The following PAX7 variants were observed in gnomAD, a reference collection of about 807,000 sequenced individuals.
The protein encoded by PAX7 is paired box protein Pax-7.
PAX7 carries 18 observed loss-of-function variants against 50.7 expected under a neutral mutation model. The observed-to-expected ratio is 0.36, with a 90% CI of 0.25 to 0.53. The LOEUF (loss-of-function observed/expected upper bound fraction) is 0.53, where lower values mean the gene tolerates loss of function less well. PAX7 is among the 20% of genes least tolerant of loss of function. PAX7 has a pLI of 0.93. For synonymous variants in PAX7, 310 were observed against 290.4 expected (o/e 1.07, Z -0.69); for missense variants, 644 against 702.9 (o/e 0.92, Z 0.95).
intron 4 of PAX7, among the ~76,000 whole-genome samples, chr1:18,643,287 G>A (rs1314371031): frequency 6.6e-6 from 1 of 152,144 alleles, no homozygotes; most frequent in Non-Finnish European, 1.5e-5. Context: ...GAGGGTCAGC[G>A]AACGGACCTT....
At chr1:18,646,309 C>T (rs2088337650) in intron 4 of PAX7, among the ~76,000 whole-genome samples, 1 of 152,232 alleles carries the variant, frequency 6.6e-6, no homozygotes, top group South Asian at 2.1e-4. Flanking sequence ...CCTGGTGGCC[C>T]ATACAGGGGA....
intron 4 of PAX7, among the ~76,000 whole-genome samples, chr1:18,652,919 C>T (rs1480797772): frequency 6.6e-6 from 1 of 152,200 alleles, no homozygotes; most frequent in Non-Finnish European, 1.5e-5. Flanking sequence ...TCTGTTTTCC[C>T]AGTTTTGTAG....
intron 4 of PAX7, among the ~76,000 whole-genome samples, chr1:18,662,236 G>A (rs1235624885): frequency 6.6e-6 from 1 of 152,172 alleles, no homozygotes; most frequent in Non-Finnish European, 1.5e-5. Flanking sequence ...ATGTGACCCG[G>A]CCTTGGCCAA....
chr1:18,667,450 G>GGAAGGAAGGAGC (rs1352059845), intron 4 of PAX7, among the ~76,000 whole-genome samples: 37 of 147,218 alleles, frequency 2.5e-4, no homozygotes, highest in African/African-American at 9.0e-4. Context: ...AAGGAAGGAA[G>GGAAGGAAGGAGC]GAGCTTTGGT....
chr1:18,747,818 CT>C lies in PAX7; in HGVS notation c.*2890del, dbSNP rs1349285438. On this transcript the variant is annotated 3_prime_UTR_variant, in exon 9 of 9. Transcript: ENST00000420770. The stretch of plus-strand genomic sequence containing the variant: ...GACTTTTTATAAATATATATATATA[CT>C]AAAAAAGGAAAGAAATCCCCCACAG... 1.1e-5 allele frequency: 2 copies of C among 189,266 alleles called. No homozygotes were observed. The highest frequency in any genetic ancestry group is 2.2e-5 in the Non-Finnish European group (2 of 90,040). 11.7% of individuals were successfully genotyped at this position (189,266 alleles called of 1,614,324 possible).
At position 18,632,624 on chromosome 1, in the gene PAX7, T is replaced by G. The variant is rs2088072545; in HGVS notation, c.85+936T>G. Among the ~76,000 whole-genome samples, 1 of 150,184 alleles carries G rather than the reference T, an allele frequency of 6.7e-6. No individual in the cohort carries two copies. The highest frequency in any genetic ancestry group is 2.5e-5 in the African/African-American group (1 of 40,568). ...GGTAGCCTAGGGTGTCACAGAGAAG[T>G]CATTAGAAATATGTGCGACTTTTTT... On this transcript the variant is annotated intron_variant, in intron 1 of 8. Coordinates refer to ENST00000420770, the MANE Select transcript of PAX7 (RefSeq NM_001135254.2). This position sits in a 1 kb window ranked among gnomAD's most constrained non-coding sequence, Gnocchi z 6.3.
In PAX7 at chr1:18,679,099, C is replaced by T. The variant is rs546484674; in HGVS notation, c.587-12655C>T. On this transcript the variant is annotated intron_variant, in intron 4 of 8. Coordinates refer to ENST00000420770, the MANE Select transcript of PAX7 (RefSeq NM_001135254.2). Reference sequence around the variant, plus strand: ...CAAAGCACACCAGCAGCGGTTTGAACGCTTCTTCTCTGTGGCCTTCACACC... The same window carrying T: ...CAAAGCACACCAGCAGCGGTTTGAATGCTTCTTCTCTGTGGCCTTCACACC... 9.2e-5 allele frequency among the ~76,000 whole-genome samples: 14 copies of T among 152,316 alleles called. No individual in the cohort carries two copies. The South Asian group carries it at 2.3e-3, about 25-fold the overall frequency.
chr1:18,642,537 C>T (rs2088271910), intron 4 of PAX7, among the ~76,000 whole-genome samples: 1 of 152,184 alleles, frequency 6.6e-6, no homozygotes, highest in Non-Finnish European at 1.5e-5. Context: ...CCTCCCATTG[C>T]AGACTAAAGG....
At chr1:18,655,232 C>A (rs752236676) in intron 4 of PAX7, among the ~76,000 whole-genome samples, 1 of 152,180 alleles carries the variant, frequency 6.6e-6, no homozygotes, top group Non-Finnish European at 1.5e-5. Flanking sequence ...CCAGTTTCCA[C>A]GGTCAGAAAC....
At chr1:18,701,363 T>A (rs1225504850) in intron 6 of PAX7, among the ~76,000 whole-genome samples, 1 of 151,962 alleles carries the variant, frequency 6.6e-6, no homozygotes, top group African/African-American at 2.4e-5. Context: ...AGTGTGTGCG[T>A]ATGAGTGAGT....
At chr1:18,681,722 T>G (rs922529634) in intron 4 of PAX7, among the ~76,000 whole-genome samples, 6 of 143,648 alleles carry the variant, frequency 4.2e-5, no homozygotes, top group African/African-American at 1.6e-4. Context: ...TTTATTTTAT[T>G]TTATTTTATT....
intron 4 of PAX7, among the ~76,000 whole-genome samples, chr1:18,649,810 A>G (rs1465624124): frequency 2.0e-5 from 3 of 152,224 alleles, no homozygotes; most frequent in African/African-American, 7.2e-5. Flanking sequence ...CCTCATGTAA[A>G]TGGCCCCATG....
intron 4 of PAX7, among the ~76,000 whole-genome samples, chr1:18,676,556 C>A (rs2088824684): frequency 6.6e-6 from 1 of 151,984 alleles, no homozygotes; most frequent in African/African-American, 2.4e-5. Context: ...AAGTCTTCCC[C>A]ACCCCCTTCT....
At chr1:18,685,685 G>A (rs572622729) in intron 4 of PAX7, among the ~76,000 whole-genome samples, 1 of 152,342 alleles carries the variant, frequency 6.6e-6, no homozygotes, top group East Asian at 1.9e-4. Flanking sequence ...GCCATGAGTG[G>A]CTGGACAGGG....
chr1:18,721,980 T>A (rs1282818346), intron 7 of PAX7, among the ~76,000 whole-genome samples: 1 of 152,218 alleles, frequency 6.6e-6, no homozygotes, highest in African/African-American at 2.4e-5. Context: ...AGCTGTGTGA[T>A]CTTGGGCAAG....
At chr1:18,717,094 G>T (rs895947757) in intron 7 of PAX7, among the ~76,000 whole-genome samples, 19 of 152,096 alleles carry the variant, frequency 1.2e-4, no homozygotes, top group African/African-American at 4.6e-4. Context: ...CCGCCTGACA[G>T]TGGAAAATGC....
At chr1:18,711,835 G>A (rs1022130391) in intron 7 of PAX7, among the ~76,000 whole-genome samples, 1 of 152,182 alleles carries the variant, frequency 6.6e-6, no homozygotes, top group South Asian at 2.1e-4. Flanking sequence ...CCAGGAGTCC[G>A]TGGCTGGATC....
intron 4 of PAX7, among the ~76,000 whole-genome samples, chr1:18,647,415 C>T (rs973339422): frequency 6.6e-6 from 1 of 151,504 alleles, no homozygotes; most frequent in East Asian, 2.0e-4. Flanking sequence ...AAAAGTCATC[C>T]CCGCTGTGGT....
chr1:18,667,246 G>A (rs552233501), intron 4 of PAX7, among the ~76,000 whole-genome samples: 1 of 152,150 alleles, frequency 6.6e-6, no homozygotes, highest in South Asian at 2.1e-4. Context: ...AATAATAATT[G>A]CCCCCTCAGA....
Sources: gnomAD v4.1 joint callset for allele counts (sites outside exome capture counted in the v4.1 genomes callset) on GRCh38, gnomAD v4.1.1 for gene constraint, Gnocchi (gnomAD v3.1) non-coding constraint, MANE v1.5 for transcripts, NCBI Gene and HGNC (gene_info 2026-07-23, HGNC 2026-07-21) for gene names.